The following PYGO1 variants were observed in gnomAD, a reference collection of about 807,000 sequenced individuals.
PYGO1 encodes pygopus homolog 1.
In PYGO1, 6 loss-of-function variants were observed where a neutral mutation model predicts 29.5. The observed-to-expected ratio is 0.20, with a 90% CI of 0.11 to 0.40. PYGO1 has a LOEUF of 0.40. Among genes scored for constraint, PYGO1 ranks in the 10% least tolerant of loss-of-function variants. PYGO1 has a pLI of 1.00. For synonymous variants in PYGO1, 186 were observed against 180.5 expected, an observed-to-expected ratio of 1.03 and a Z score of -0.24; for missense variants, 515 against 514.9, an observed-to-expected ratio of 1.00 and a Z score of 0.00.
intron 1 of PYGO1, among the ~76,000 whole-genome samples, chr15:55,549,350 T>C (rs1231691613): frequency 2.0e-5 from 3 of 152,184 alleles, no homozygotes; most frequent in African/African-American, 7.2e-5. Context: ...TTATTATTTT[T>C]TTGGCGGGGA....
intron 1 of PYGO1, among the ~76,000 whole-genome samples, chr15:55,567,197 CTTTTTTTT>C (rs71297645): frequency 8.7e-4 from 41 of 47,078 alleles, no homozygotes; most frequent in African/African-American, 1.4e-3. Flanking sequence ...TTTTGCCCAC[CTTTTTTTT>C]TTTTTTTTTT....
chr15:55,562,069 CA>C (rs2058935091), intron 1 of PYGO1, among the ~76,000 whole-genome samples: 1 of 152,076 alleles, frequency 6.6e-6, no homozygotes, highest in Non-Finnish European at 1.5e-5. Flanking sequence ...GACATTTATG[CA>C]GCCAACAAAC....
intron 1 of PYGO1, among the ~76,000 whole-genome samples, chr15:55,552,895 T>C (rs2058885908): frequency 6.6e-6 from 1 of 152,150 alleles, no homozygotes; most frequent in African/African-American, 2.4e-5. Flanking sequence ...AGCAGCATTG[T>C]TCTGCGGGCC....
At chr15:55,555,761 C>T (rs111843279) in intron 1 of PYGO1, among the ~76,000 whole-genome samples, 52 of 152,122 alleles carry the variant, frequency 3.4e-4, no homozygotes, top group African/African-American at 9.6e-4. Context: ...TAAGTCTCAT[C>T]GTTATGCTGT....
chr15:55,588,505 C>T (rs1190075210), upstream of PYGO1, among the ~76,000 whole-genome samples: 1 of 147,040 alleles, frequency 6.8e-6, no homozygotes, highest in Non-Finnish European at 1.5e-5. Context: ...CCTCCCGCCA[C>T]CGCCGCCGCC....
intron 1 of PYGO1, among the ~76,000 whole-genome samples, chr15:55,575,756 T>G (rs1279873642): frequency 6.6e-6 from 1 of 152,174 alleles, no homozygotes; most frequent in African/African-American, 2.4e-5. Context: ...TCTGCACTCC[T>G]CAGAGACACC....
At position 55,547,157 on chromosome 15, in the gene PYGO1, G is replaced by C; in HGVS notation, c.136-10C>G. On this transcript the variant is annotated splice_polypyrimidine_tract_variant and intron_variant, in intron 2 of 2. Coordinates refer to ENST00000563719, the MANE Select transcript of PYGO1 (RefSeq NM_001367806.1). ...GAGGGAAAGAAGGTCCCTGAAATGA[G>C]AATGTAAAGTAAAATACATGTTTTC... 2 of 1,568,974 alleles carry C rather than the reference G, an allele frequency of 1.3e-6. No homozygotes were observed. Among genetic ancestry groups the C allele is most frequent in the Non-Finnish European group, 1.7e-6 (2 of 1,159,294 alleles).
chr15:55,556,596 C>G (rs1055332108), intron 1 of PYGO1, among the ~76,000 whole-genome samples: 4 of 151,556 alleles, frequency 2.6e-5, no homozygotes, highest in African/African-American at 9.7e-5. Flanking sequence ...AACTGGAGAA[C>G]CAAGGGCAAA....
rs1196975349 is a variant in PYGO1 at position 55,587,820 on chromosome 15, A to G, written c.49+15T>C. 10 of 1,484,926 alleles carry G rather than the reference A, an allele frequency of 6.7e-6. No individual in the cohort carries two copies. Among genetic ancestry groups the G allele is most frequent in the Non-Finnish European group, 8.9e-6 (10 of 1,119,782 alleles). The allele number at this position is 1,484,926 out of a possible 1,614,324, so 92.0% of individuals were successfully genotyped here. On this transcript the variant is annotated intron_variant, in intron 1 of 2. Transcript: ENST00000563719. The stretch of plus-strand genomic sequence containing the variant: ...CTCACCCCGGTTCCCCCAATCCGGC[A>G]CCCTTCTCGGTTACCTCGAACTCTC...
At chr15:55,582,054 A>G (rs1211634405) in intron 1 of PYGO1, among the ~76,000 whole-genome samples, 1 of 151,928 alleles carries the variant, frequency 6.6e-6, no homozygotes, top group East Asian at 1.9e-4. Flanking sequence ...TAAACATACA[A>G]AAATTAGCCG....
chr15:55,587,908 C>G lies in PYGO1; in HGVS notation c.-25G>C, dbSNP rs75131234. Reference sequence around the variant, plus strand: ...TTACAGACCGCAAAGCATGACTCCCCCCCAGGCCGCGGGAATTCGGTCTCT... The same window carrying G: ...TTACAGACCGCAAAGCATGACTCCCGCCCAGGCCGCGGGAATTCGGTCTCT... On this transcript the variant is annotated 5_prime_UTR_variant, in exon 1 of 3. Coordinates refer to ENST00000563719, the MANE Select transcript of PYGO1 (RefSeq NM_001367806.1). 5 of 1,465,286 alleles carry G rather than the reference C, an allele frequency of 3.4e-6. No individual in the cohort carries two copies. Among genetic ancestry groups the G allele is most frequent in the South Asian group, 1.3e-5 (1 of 77,762 alleles). The allele number at this position is 1,465,286 out of a possible 1,614,324, so 90.8% of individuals were successfully genotyped here. A position where few individuals can be genotyped will look rare whatever the true frequency, so the allele number is the denominator to read the frequency against.
At chr15:55,565,903 T>C (rs1178527143) in intron 1 of PYGO1, among the ~76,000 whole-genome samples, 1 of 152,116 alleles carries the variant, frequency 6.6e-6, no homozygotes, top group Non-Finnish European at 1.5e-5. Context: ...TGCCTCAGTC[T>C]ACCAAGTAGC....
intron 1 of PYGO1, among the ~76,000 whole-genome samples, chr15:55,584,503 G>A (rs2059038685): frequency 6.6e-6 from 1 of 152,128 alleles, no homozygotes; most frequent in African/African-American, 2.4e-5. Context: ...ATTGCCATCA[G>A]ATCAATGCCT....
intron 1 of PYGO1, among the ~76,000 whole-genome samples, chr15:55,584,032 C>G (rs1309104152): frequency 2.0e-5 from 3 of 151,758 alleles, no homozygotes; most frequent in Non-Finnish European, 4.4e-5. Flanking sequence ...CAGCCCTTAT[C>G]ATGCTATTTG....
chr15:55,546,478 T>A lies in PYGO1; in HGVS notation c.805A>T (p.Ser269Cys). ...HLNMDDTVNQ[S>C]NIELKNVNRN... ...TTAACATTTTTTAATTCAATATTAC[T>A]CTGATTCACTGTGTCATCCATATTC... The change falls in exon 3 of 3, where the codon AGT (serine) becomes TGT (cysteine). Residue 269 changes from serine (S) to cysteine (C), a missense_variant. By Grantham distance (112) the Ser-to-Cys change is moderately radical (BLOSUM62 -1). Transcript: ENST00000563719. 2 of 1,614,204 alleles carry A rather than the reference T, an allele frequency of 1.2e-6. No individual in the cohort carries two copies. The highest frequency in any genetic ancestry group is 2.2e-5 in the South Asian group (2 of 91,082).
rs532461908 is a variant in PYGO1 at position 55,543,516 on chromosome 15, A to G, written c.*2507T>C. On this transcript the variant is annotated 3_prime_UTR_variant, in exon 3 of 3. Coordinates refer to ENST00000563719, the MANE Select transcript of PYGO1 (RefSeq NM_001367806.1). ...GACCTAAACACCTGAATAAAAATTC[A>G]CCTGTTTGTAGGTTTTTAAAAACAA... 2.6e-5 allele frequency: 4 copies of G among 152,262 alleles called. No individual in the cohort carries two copies. The South Asian group carries it at 8.3e-4, about 32-fold the overall frequency. The allele number at this position is 152,262 out of a possible 1,614,324, so 9.4% of individuals were successfully genotyped here. A position where few individuals can be genotyped will look rare whatever the true frequency, so the allele number is the denominator to read the frequency against.
chr15:55,554,465 T>C (rs1448092592), intron 1 of PYGO1, among the ~76,000 whole-genome samples: 2 of 89,466 alleles, frequency 2.2e-5, no homozygotes, highest in East Asian at 1.3e-3. Flanking sequence ...CAAGACTCTG[T>C]CTCAAAAAAA....
At chr15:55,554,244 C>A (rs2058892993) in intron 1 of PYGO1, among the ~76,000 whole-genome samples, 1 of 151,950 alleles carries the variant, frequency 6.6e-6, no homozygotes, top group Non-Finnish European at 1.5e-5. Context: ...GTGGGTGGAT[C>A]ATGAGGTCAG....
chr15:55,556,156 C>T (rs1033999107), intron 1 of PYGO1, among the ~76,000 whole-genome samples: 1 of 152,124 alleles, frequency 6.6e-6, no homozygotes, highest in African/African-American at 2.4e-5. Flanking sequence ...TCAAGAGGAC[C>T]TGATAGATAT....
Sources: gnomAD v4.1 joint callset for allele counts (sites outside exome capture counted in the v4.1 genomes callset) on GRCh38, gnomAD v4.1.1 for gene constraint, MANE v1.5 for transcripts, NCBI Gene and HGNC (gene_info 2026-07-23, HGNC 2026-07-21) for gene names.